The following LNX1 variants were observed in gnomAD, a reference collection of about 807,000 sequenced individuals.
The protein encoded by LNX1 is ligand of numb-protein X 1.
In LNX1, 54 loss-of-function variants were observed where a neutral mutation model predicts 68.4. That is an observed-to-expected ratio of 0.79 (90% CI 0.63 to 0.99). LNX1 has a LOEUF of 0.99. LNX1 is among the 50% of genes least tolerant of loss of function. The pLI is 0.00. For missense variants in LNX1, 906 were observed against 926.4 expected (o/e 0.98, Z 0.29); for synonymous variants, 336 against 350.0 (o/e 0.96, Z 0.45).
intron 1 of LNX1, among the ~76,000 whole-genome samples, chr4:53,589,380 A>T (rs1257174649): frequency 9.9e-5 from 15 of 152,198 alleles, no homozygotes; most frequent in African/African-American, 3.1e-4. Flanking sequence ...GCAGTTAATT[A>T]CCTACAATTA....
At chr4:53,548,884 C>T (rs1382724415) in intron 2 of LNX1, among the ~76,000 whole-genome samples, 12 of 152,254 alleles carry the variant, frequency 7.9e-5, no homozygotes, top group East Asian at 1.9e-4. Flanking sequence ...GGAACATGGA[C>T]GGAGCTGGAG....
chr4:53,624,762 T>G lies in LNX1; in HGVS notation c.-215+27406A>C, dbSNP rs548331402. 4.4e-4 allele frequency among the ~76,000 whole-genome samples: 67 copies of G among 152,226 alleles called. No homozygotes were observed. The South Asian group carries it at 0.011, about 25-fold the overall frequency. ...CATTTGGTCCTGCAGGCCATCTACC[T>G]CCTGGAGCACTGCACGTGCACAGTA... is the stretch of plus-strand genomic sequence containing the variant. On this transcript the variant is annotated intron_variant, in intron 1 of 2. Transcript: ENST00000507168.
chr4:53,595,519 G>T (rs80327624), upstream of LNX1, among the ~76,000 whole-genome samples: 9 of 152,124 alleles, frequency 5.9e-5, no homozygotes, highest in Non-Finnish European at 1.2e-4. Flanking sequence ...ATGCCATTTC[G>T]GCAACCACAT....
intron 2 of LNX1, among the ~76,000 whole-genome samples, chr4:53,570,549 G>A (rs923388177): frequency 4.7e-5 from 7 of 150,400 alleles, no homozygotes; most frequent in African/African-American, 7.3e-5. Context: ...AGCATTGGGC[G>A]ATATACCTAA....
In LNX1 at chr4:53,508,096, G is replaced by A. The variant is rs551005790; in HGVS notation, c.512C>T (p.Ser171Phe). 4 of 1,614,156 alleles carry A rather than the reference G, an allele frequency of 2.5e-6. No individual in the cohort carries two copies. The South Asian group carries it at 4.4e-5, about 18-fold the overall frequency. ...TAGGCCAGGCTCGTCTGTCATTAAG[G>A]AGATGGTGGCAGCTGCAGAAACCTC... The part of the protein sequence containing the change: ...SPEVSAAATI[S>F]LMTDEPGLDN... Residue 171 changes from serine to phenylalanine, a missense_variant, in exon 3 of 11, where the codon TCC (serine) becomes TTC (phenylalanine). Transcript: ENST00000263925.
At chr4:53,570,695 T>TAAAG (rs1266726046) in intron 2 of LNX1, among the ~76,000 whole-genome samples, 1 of 149,720 alleles carries the variant, frequency 6.7e-6, no homozygotes, top group Non-Finnish European at 1.5e-5. Flanking sequence ...AATAAATAAA[T>TAAAG]AAAAGAAAAA....
intron 2 of LNX1, among the ~76,000 whole-genome samples, chr4:53,545,836 C>A (rs560098331): frequency 8.4e-6 from 1 of 118,968 alleles, no homozygotes; most frequent in Admixed American, 1.1e-4. Context: ...GAGACAGGGT[C>A]TTACTCTGTC....
chr4:53,589,153 A>G (rs1732352510), intron 1 of LNX1, among the ~76,000 whole-genome samples: 1 of 152,206 alleles, frequency 6.6e-6, no homozygotes, highest in Non-Finnish European at 1.5e-5. Context: ...CAGCAATGAC[A>G]ACTGGACATT....
At chr4:53,574,788 A>G (rs1438498228) in intron 1 of LNX1, among the ~76,000 whole-genome samples, 1 of 152,182 alleles carries the variant, frequency 6.6e-6, no homozygotes, top group Non-Finnish European at 1.5e-5. Flanking sequence ...TGAGGATGAA[A>G]TGAGATATGA....
At chr4:53,570,565 A>G (rs1410726205) in intron 2 of LNX1, among the ~76,000 whole-genome samples, 2 of 150,838 alleles carry the variant, frequency 1.3e-5, no homozygotes, top group Non-Finnish European at 3.0e-5. Flanking sequence ...CCTAATGCTA[A>G]ATGACGAGTT....
chr4:53,586,139 A>G (rs1468963534), intron 1 of LNX1, among the ~76,000 whole-genome samples: 4 of 148,602 alleles, frequency 2.7e-5, no homozygotes, highest in Non-Finnish European at 4.5e-5. Flanking sequence ...GCCTCAAGGG[A>G]AAAAAAAAAG....
intron 9 of LNX1, among the ~76,000 whole-genome samples, chr4:53,467,903 T>G: frequency 6.6e-6 from 1 of 152,214 alleles, no homozygotes. Context: ...TGGAACCAAG[T>G]TGGAAAACAC....
intron 2 of LNX1, among the ~76,000 whole-genome samples, chr4:53,531,802 T>C (rs1429798873): frequency 6.6e-6 from 1 of 152,204 alleles, no homozygotes; most frequent in African/African-American, 2.4e-5. Flanking sequence ...TGCTCAGAGT[T>C]CTAAGAGAGA....
At chr4:53,503,462 G>A (rs1195566136) in intron 4 of LNX1, among the ~76,000 whole-genome samples, 5 of 152,172 alleles carry the variant, frequency 3.3e-5, no homozygotes, top group African/African-American at 9.7e-5. Context: ...CGTCTCCATC[G>A]AAGTACTTGG....
intron 2 of LNX1, among the ~76,000 whole-genome samples, chr4:53,544,915 A>C (rs1729002799): frequency 6.6e-6 from 1 of 152,216 alleles, no homozygotes; most frequent in Admixed American, 6.5e-5. Context: ...CTAACTCTGG[A>C]GTCCCGCTTG....
At chr4:53,650,746 C>G (rs1735068448) in intron 1 of LNX1, among the ~76,000 whole-genome samples, 1 of 152,058 alleles carries the variant, frequency 6.6e-6, no homozygotes, top group South Asian at 2.1e-4. Context: ...CTCACACAGA[C>G]TTAAAGGATT....
chr4:53,491,383 T>A, intron 6 of LNX1, among the ~76,000 whole-genome samples: 1 of 152,206 alleles, frequency 6.6e-6, no homozygotes, highest in Non-Finnish European at 1.5e-5. Flanking sequence ...TTTTCTCTTC[T>A]CATTGATTGG....
At chr4:53,609,702 G>A (rs1733394918) in intron 2 of LNX1, among the ~76,000 whole-genome samples, 1 of 138,066 alleles carries the variant, frequency 7.2e-6, no homozygotes, top group African/African-American at 2.6e-5. Context: ...TACTATTATA[G>A]TACTATTATA....
chr4:53,608,875 ACACGTTCT>A (rs1733336691), intron 2 of LNX1, among the ~76,000 whole-genome samples: 1 of 152,034 alleles, frequency 6.6e-6, no homozygotes, highest in Non-Finnish European at 1.5e-5. Flanking sequence ...ACCAAATACC[ACACGTTCT>A]CACTTATAAG....
Sources: gnomAD v4.1 joint callset for allele counts (sites outside exome capture counted in the v4.1 genomes callset) on GRCh38, gnomAD v4.1.1 for gene constraint, MANE v1.5 for transcripts, NCBI Gene and HGNC (gene_info 2026-07-23, HGNC 2026-07-21) for gene names.